ADCY2: variants seen among roughly 807,000 people sequenced by gnomAD.
ADCY2 encodes adenylate cyclase type 2.
ADCY2 carries 31 observed loss-of-function variants against 125.2 expected under a neutral mutation model. The ratio of observed to expected loss-of-function variants is 0.25; its 90% confidence interval spans 0.19 to 0.33. The LOEUF is 0.33. Among genes scored for constraint, ADCY2 ranks in the 10% least tolerant of loss-of-function variants. The probability of loss-of-function intolerance (pLI) is 1.00; values close to 1 mark genes in which losing one functional copy is unlikely to be tolerated. For missense variants in ADCY2, 904 were observed against 1,418.2 expected, an observed-to-expected ratio of 0.64 and a Z score of 5.82; for synonymous variants, 512 against 548.4, an observed-to-expected ratio of 0.93 and a Z score of 0.93.
intron 22 of ADCY2, among the ~76,000 whole-genome samples, chr5:7,809,839 G>T (rs559370996): frequency 7.3e-4 from 111 of 152,350 alleles, no homozygotes; most frequent in Non-Finnish European, 1.2e-3. Context: ...AGTCAACAAT[G>T]TGGCTAAATG....
At chr5:7,592,016 G>A in intron 3 of ADCY2, among the ~76,000 whole-genome samples, 1 of 152,186 alleles carries the variant, frequency 6.6e-6, no homozygotes, top group East Asian at 1.9e-4. Flanking sequence ...CTTTTAATAT[G>A]TGTCACAAGT....
At chr5:7,577,898 A>C (rs1303225365) in intron 3 of ADCY2, among the ~76,000 whole-genome samples, 1 of 152,158 alleles carries the variant, frequency 6.6e-6, no homozygotes, top group Non-Finnish European at 1.5e-5. Flanking sequence ...GGGCCCACCA[A>C]CGCAGCGAAA....
At chr5:7,701,953 C>CATA (rs879772682) in intron 7 of ADCY2, among the ~76,000 whole-genome samples, 1,620 of 152,266 alleles carry the variant, frequency 0.011, 14 homozygotes, top group Admixed American at 0.017. Flanking sequence ...GTTTGAGGGA[C>CATA]CTCTCCCAAT....
intron 4 of ADCY2, among the ~76,000 whole-genome samples, chr5:7,677,862 A>G (rs1195559632): frequency 6.6e-6 from 1 of 152,222 alleles, no homozygotes; most frequent in African/African-American, 2.4e-5. Context: ...AAACCAAGCC[A>G]GGCTTGAGCT....
At chr5:7,475,093 C>T (rs1383142178) in intron 2 of ADCY2, among the ~76,000 whole-genome samples, 2 of 152,322 alleles carry the variant, frequency 1.3e-5, no homozygotes, top group African/African-American at 2.4e-5. Context: ...TGGGAAACTC[C>T]ATGGGAAGCC....
At chr5:7,660,136 G>T (rs1018936714) in intron 4 of ADCY2, among the ~76,000 whole-genome samples, 2 of 149,300 alleles carry the variant, frequency 1.3e-5, no homozygotes, top group Non-Finnish European at 3.0e-5. Flanking sequence ...TCACCCACAT[G>T]CAATTTACCC....
intron 19 of ADCY2, 62 bp from the exon 20 acceptor site, chr5:7,789,580 C>T: frequency 6.7e-7 from 1 of 1,499,350 alleles, no homozygotes; most frequent in Non-Finnish European, 9.1e-7. Flanking sequence ...TCTTTAAAAC[C>T]TCCACTCTCT....
chr5:7,625,714 A>G (rs990278833), intron 3 of ADCY2, among the ~76,000 whole-genome samples: 3 of 152,202 alleles, frequency 2.0e-5, no homozygotes, highest in African/African-American at 4.8e-5. Context: ...AGAGGTACAC[A>G]ATAATAGACT....
intron 22 of ADCY2, among the ~76,000 whole-genome samples, chr5:7,808,507 G>C (rs1488183458): frequency 6.6e-6 from 1 of 152,114 alleles, no homozygotes; most frequent in African/African-American, 2.4e-5. Context: ...AACAAGCCTA[G>C]GAGGTAAGTA....
At chr5:7,658,498 C>A (rs1471292317) in intron 4 of ADCY2, among the ~76,000 whole-genome samples, 1 of 150,228 alleles carries the variant, frequency 6.7e-6, no homozygotes, top group Non-Finnish European at 1.5e-5. Context: ...TGGTGTGATG[C>A]AATGTCTGCC....
chr5:7,642,457 C>T (rs1220741693), intron 4 of ADCY2, among the ~76,000 whole-genome samples: 5 of 152,090 alleles, frequency 3.3e-5, no homozygotes, highest in African/African-American at 1.2e-4. Context: ...CAAATAATTT[C>T]TCCCATTCTG....
intron 14 of ADCY2, among the ~76,000 whole-genome samples, chr5:7,732,727 G>A (rs1340106994): frequency 1.3e-5 from 2 of 152,062 alleles, no homozygotes; most frequent in Non-Finnish European, 2.9e-5. Flanking sequence ...TTGAAAAAGG[G>A]AAAGAATTAA....
chr5:7,531,215 CT>C (rs1257737241), intron 3 of ADCY2, among the ~76,000 whole-genome samples: 4 of 152,174 alleles, frequency 2.6e-5, no homozygotes, highest in African/African-American at 9.7e-5. Flanking sequence ...TCATGCCACT[CT>C]TTGTCTAGAG....
intron 23 of ADCY2, among the ~76,000 whole-genome samples, chr5:7,817,504 A>AC (rs1162295030): frequency 2.0e-5 from 3 of 152,214 alleles, no homozygotes. Context: ...GAGAAAAAAA[A>AC]ATCCAGCTTT....
intron 24 of ADCY2, among the ~76,000 whole-genome samples, chr5:7,822,394 C>CT (rs1184277670): frequency 6.6e-6 from 1 of 152,202 alleles, no homozygotes; most frequent in Non-Finnish European, 1.5e-5. Context: ...CACCAAGAAG[C>CT]TATCCTGAAG....
intron 3 of ADCY2, among the ~76,000 whole-genome samples, chr5:7,583,229 A>G (rs1318896147): frequency 6.6e-6 from 1 of 152,058 alleles, no homozygotes; most frequent in Non-Finnish European, 1.5e-5. Context: ...TTACTCATGA[A>G]TTGGAAACCT....
At chr5:7,494,914 G>A (rs929364957) in intron 2 of ADCY2, among the ~76,000 whole-genome samples, 1 of 152,182 alleles carries the variant, frequency 6.6e-6, no homozygotes, top group Non-Finnish European at 1.5e-5. Context: ...TCCAAACCAA[G>A]CTTCTCTGAG....
At chr5:7,412,762 G>T (rs1176548951) in intron 1 of ADCY2, among the ~76,000 whole-genome samples, 2 of 152,228 alleles carry the variant, frequency 1.3e-5, no homozygotes, top group Non-Finnish European at 2.9e-5. Context: ...CACAGGCTAT[G>T]CCTGGCTGGA....
intron 4 of ADCY2, among the ~76,000 whole-genome samples, chr5:7,666,235 C>G (rs1046588422): frequency 6.6e-6 from 1 of 152,046 alleles, no homozygotes; most frequent in East Asian, 2.0e-4. Context: ...GTTAAAGAGG[C>G]CATTTCCTAG....
Sources: gnomAD v4.1 joint callset for allele counts (sites outside exome capture counted in the v4.1 genomes callset) on GRCh38, gnomAD v4.1.1 for gene constraint, MANE v1.5 for transcripts, NCBI Gene and HGNC (gene_info 2026-07-23, HGNC 2026-07-21) for gene names.